AADACL4: variants seen among roughly 807,000 people sequenced by gnomAD.
AADACL4 encodes arylacetamide deacetylase-like 4.
AADACL4 carries 9 observed loss-of-function variants against 14.1 expected under a neutral mutation model. That is an observed-to-expected ratio of 0.64 (90% CI 0.39 to 1.12). The LOEUF is 1.12. Among genes scored for constraint, AADACL4 ranks in the 50% most tolerant of loss-of-function variants. The pLI, the probability that AADACL4 is intolerant of heterozygous loss-of-function variation, is 0.01. For missense variants in AADACL4, 531 were observed against 516.1 expected (o/e 1.03, Z -0.28); for synonymous variants, 188 against 201.6 (o/e 0.93, Z 0.57).
intron 1 of AADACL4, among the ~76,000 whole-genome samples, chr1:12,650,681 C>T (rs1015197979): frequency 2.6e-5 from 4 of 151,990 alleles, no homozygotes; most frequent in East Asian, 1.9e-4. Context: ...TACAGGCGCT[C>T]GCCACCATGC....
At chr1:12,646,769 G>A (rs993205365) in intron 1 of AADACL4, among the ~76,000 whole-genome samples, 1 of 152,236 alleles carries the variant, frequency 6.6e-6, no homozygotes, top group African/African-American at 2.4e-5. Flanking sequence ...TGCAGCCGCT[G>A]AAAGGGTGGA....
intron 2 of AADACL4, among the ~76,000 whole-genome samples, chr1:12,656,213 G>A (rs935380994): frequency 2.6e-5 from 4 of 152,202 alleles, no homozygotes; most frequent in African/African-American, 9.7e-5. Context: ...ACTGGTCCTG[G>A]CATTTTATGA....
chr1:12,661,580 G>A (rs1647229353), intron 2 of AADACL4, among the ~76,000 whole-genome samples: 1 of 152,064 alleles, frequency 6.6e-6, no homozygotes, highest in Non-Finnish European at 1.5e-5. Context: ...GAGCCCCAAG[G>A]TGAATTTGAG....
intron 2 of AADACL4, among the ~76,000 whole-genome samples, chr1:12,658,131 CCTTCCTTCCTTTCTTTCTTTCTTT>C (rs1166585761): frequency 2.5e-5 from 3 of 119,964 alleles, no homozygotes; most frequent in African/African-American, 1.5e-4. Flanking sequence ...TTCCTTCCTT[CCTTCCTTCCTTTCTTTCTTTCTTT>C]CTTTCTTTCT....
chr1:12,656,578 A>G (rs1236139176), intron 2 of AADACL4, among the ~76,000 whole-genome samples: 1 of 152,236 alleles, frequency 6.6e-6, no homozygotes, highest in Non-Finnish European at 1.5e-5. Context: ...TGCTGCGTCT[A>G]AAGAGTTCAC....
chr1:12,649,600 A>T (rs997237349), intron 1 of AADACL4, among the ~76,000 whole-genome samples: 3 of 152,180 alleles, frequency 2.0e-5, no homozygotes, highest in African/African-American at 7.2e-5. Flanking sequence ...GGACCTCTTC[A>T]TGGAGGGAAC....
chr1:12,659,070 G>A (rs548379252), intron 2 of AADACL4, among the ~76,000 whole-genome samples: 5 of 152,344 alleles, frequency 3.3e-5, no homozygotes, highest in East Asian at 3.9e-4. Context: ...TGTATGGACC[G>A]ACGCATGGAC....
intron 1 of AADACL4, among the ~76,000 whole-genome samples, chr1:12,646,473 A>G (rs1282377453): frequency 2.0e-5 from 3 of 152,224 alleles, no homozygotes; most frequent in African/African-American, 7.2e-5. Flanking sequence ...CATCAATGCC[A>G]CTGACGCAAG....
intron 2 of AADACL4, among the ~76,000 whole-genome samples, chr1:12,652,600 TG>T (rs1377196915): frequency 6.6e-6 from 1 of 152,088 alleles, no homozygotes; most frequent in Non-Finnish European, 1.5e-5. Context: ...GAAAAGGAAG[TG>T]GGATGGACTC....
At chr1:12,664,836 G>A (rs1204000026) in intron 3 of AADACL4, among the ~76,000 whole-genome samples, 1 of 151,880 alleles carries the variant, frequency 6.6e-6, no homozygotes, top group African/African-American at 2.4e-5. Flanking sequence ...GCATTAATTA[G>A]CTTGTTCATT....
chr1:12,664,790 T>A (rs1402612218), intron 3 of AADACL4, among the ~76,000 whole-genome samples: 1 of 152,248 alleles, frequency 6.6e-6, no homozygotes, highest in African/African-American at 2.4e-5. Context: ...TCTATTTTTT[T>A]ATTCATTCCT....
chr1:12,654,988 T>A (rs1647172306), intron 2 of AADACL4, among the ~76,000 whole-genome samples: 1 of 152,164 alleles, frequency 6.6e-6, no homozygotes, highest in Non-Finnish European at 1.5e-5. Context: ...GCACCTTGCT[T>A]GGTGTCTGTA....
chr1:12,649,356 G>A (rs1007346344), intron 1 of AADACL4, among the ~76,000 whole-genome samples: 1 of 152,190 alleles, frequency 6.6e-6, no homozygotes, highest in Admixed American at 6.5e-5. Flanking sequence ...GGCAAACAGG[G>A]AAGACAGCTG....
At chr1:12,646,798 C>G (rs1647114238) in intron 1 of AADACL4, among the ~76,000 whole-genome samples, 1 of 152,214 alleles carries the variant, frequency 6.6e-6, no homozygotes, top group Admixed American at 6.5e-5. Context: ...GTGGCGTCCT[C>G]TCTCGATCCC....
At chr1:12,648,429 C>G in intron 1 of AADACL4, among the ~76,000 whole-genome samples, 1 of 148,346 alleles carries the variant, frequency 6.7e-6, no homozygotes, top group East Asian at 2.0e-4. Context: ...TGGAGTCTCA[C>G]TCTGTCGCCC....
At chr1:12,655,358 T>C (rs1013608460) in intron 2 of AADACL4, among the ~76,000 whole-genome samples, 2 of 152,010 alleles carry the variant, frequency 1.3e-5, no homozygotes, top group African/African-American at 2.4e-5. Flanking sequence ...GGCTCCTCAG[T>C]TGTGATGACC....
chr1:12,660,467 T>G (rs74057614), intron 2 of AADACL4, among the ~76,000 whole-genome samples: 17,246 of 152,108 alleles, frequency 0.11, 2,117 homozygotes, highest in African/African-American at 0.31. Context: ...AAACAGGGAC[T>G]ACCTGACATG....
chr1:12,651,486 C>T (rs1394632526), intron 2 of AADACL4, 147 bp downstream of exon 2: 1 of 820,218 alleles, frequency 1.2e-6, no homozygotes, highest in African/African-American at 1.7e-5. Flanking sequence ...AGACTAAGGG[C>T]TTTGGGCTCA....
At chr1:12,658,924 TG>T (rs1647205318) in intron 2 of AADACL4, among the ~76,000 whole-genome samples, 1 of 152,244 alleles carries the variant, frequency 6.6e-6, no homozygotes. Context: ...CAAGAAGTTT[TG>T]TTTGTTGCTG....
Sources: gnomAD v4.1 joint callset for allele counts (sites outside exome capture counted in the v4.1 genomes callset) on GRCh38, gnomAD v4.1.1 for gene constraint, MANE v1.5 for transcripts, NCBI Gene and HGNC (gene_info 2026-07-23, HGNC 2026-07-21) for gene names.